ZC3H11A: variants seen among roughly 807,000 people sequenced by gnomAD.
ZC3H11A encodes zinc finger CCCH-type containing 11A.
Under a neutral mutation model 90.8 loss-of-function variants are expected in ZC3H11A, and 22 were observed. The observed-to-expected ratio is 0.24, with a 90% CI of 0.17 to 0.35. ZC3H11A has a LOEUF of 0.35. Among genes scored for constraint, ZC3H11A ranks in the 10% least tolerant of loss-of-function variants. The pLI is 1.00. For synonymous variants in ZC3H11A, 294 were observed against 339.8 expected (o/e 0.87, Z 1.48); for missense variants, 701 against 964.9 (o/e 0.73, Z 3.62).
chr1:203,848,308 T>C, intron 13 of ZC3H11A, 23 bp from the exon 14 acceptor site: 2 of 1,581,184 alleles, frequency 1.3e-6, no homozygotes, highest in South Asian at 1.2e-5. Flanking sequence ...AAATAACTAA[T>C]GATGTCTTTA....
chr1:203,804,480 G>T (rs1227742698), intron 2 of ZC3H11A, among the ~76,000 whole-genome samples: 1 of 151,746 alleles, frequency 6.6e-6, no homozygotes, highest in African/African-American at 2.4e-5. Context: ...ATTGTGAATG[G>T]TCTCTTCCTG....
At chr1:203,848,506 T>C in intron 14 of ZC3H11A, 99 bp downstream of exon 14, 1 of 827,674 alleles carries the variant, frequency 1.2e-6, no homozygotes, top group South Asian at 1.7e-5. Flanking sequence ...TTCATTCATA[T>C]ATTAGGTAAA....
chr1:203,809,329 C>T (rs1458512461), intron 2 of ZC3H11A, among the ~76,000 whole-genome samples: 1 of 151,884 alleles, frequency 6.6e-6, no homozygotes, highest in East Asian at 1.9e-4. Flanking sequence ...GCGCACACTA[C>T]CGTGCCCGGC....
chr1:203,825,974 C>T (rs1288547488), intron 4 of ZC3H11A, among the ~76,000 whole-genome samples: 3 of 152,112 alleles, frequency 2.0e-5, no homozygotes, highest in African/African-American at 7.2e-5. Flanking sequence ...TGTCATGTGA[C>T]TTCTGTGTAT....
At chr1:203,803,116 T>A (rs1042828191) in intron 2 of ZC3H11A, 100 bp downstream of exon 2, 8 of 152,362 alleles carry the variant, frequency 5.3e-5, no homozygotes, top group African/African-American at 1.9e-4. Flanking sequence ...AAGGCCATTG[T>A]TCAGACATTT....
chr1:203,833,158 A>G (rs564012334), intron 9 of ZC3H11A, among the ~76,000 whole-genome samples: 1 of 152,272 alleles, frequency 6.6e-6, no homozygotes, highest in Non-Finnish European at 1.5e-5. Flanking sequence ...TCACAAGGTC[A>G]GAAATTCGAG....
intron 12 of ZC3H11A, among the ~76,000 whole-genome samples, chr1:203,843,679 T>C (rs142247937): frequency 9.2e-5 from 14 of 152,310 alleles, no homozygotes; most frequent in Admixed American, 2.0e-4. Context: ...TTTACAAAAT[T>C]AGGTGGTGGC....
Position 203,847,720 on chromosome 1 carries a change from C to T in ZC3H11A, c.1546+33C>T, listed in dbSNP as rs778818843. The T allele has an allele frequency of 3.3e-5, 52 of 1,595,622 alleles. 1 individual carries two copies. The Admixed American group carries it at 3.4e-4, about 10-fold the overall frequency. ...GAGAACTTGGTCTCTAGTACCACGT[C>T]CCCACATAATATTCCAGAGGAGTGT... On this transcript the variant is annotated intron_variant, in intron 13 of 17. Coordinates refer to ENST00000367210, the MANE Select transcript of ZC3H11A (RefSeq NM_001376342.1).
At chr1:203,812,197 T>C (rs2102667577) in intron 2 of ZC3H11A, among the ~76,000 whole-genome samples, 1 of 152,300 alleles carries the variant, frequency 6.6e-6, no homozygotes, top group Admixed American at 6.5e-5. Context: ...CGTGGGGGTT[T>C]GTTGTACAGA....
At position 203,799,751 on chromosome 1, in the gene ZC3H11A, T is replaced by C. The variant is rs566195207; in HGVS notation, c.-1587-1824T>C. 131 of 831,142 alleles carry C rather than the reference T, an allele frequency of 1.6e-4. 2 individuals are homozygous for C. In the South Asian group the frequency reaches 1.8e-3, roughly 11 times the overall value. The allele number at this position is 831,142 out of a possible 1,614,324, so 51.5% of individuals were successfully genotyped here. A position where few individuals can be genotyped will look rare whatever the true frequency, so the allele number is the denominator to read the frequency against. On this transcript the variant is annotated intron_variant, in intron 1 of 17. Transcript: ENST00000367210. ...TTACTCAGGCCCTCAATCTGGTGGA[T>C]AGTTTATCTCTGAAACTTGAAACAG...
chr1:203,819,529 A>AT (rs755259647), intron 4 of ZC3H11A, among the ~76,000 whole-genome samples: 18 of 72,870 alleles, frequency 2.5e-4, no homozygotes, highest in African/African-American at 6.3e-4. Context: ...GCTGACTCCA[A>AT]TTTTTTTTTT....
chr1:203,811,287 A>G (rs1179991432), intron 2 of ZC3H11A, among the ~76,000 whole-genome samples: 1 of 152,188 alleles, frequency 6.6e-6, no homozygotes, highest in Non-Finnish European at 1.5e-5. Context: ...CAGCCTGGGC[A>G]ACAAGAGCAA....
At chr1:203,814,018 C>T (rs998750465) in intron 2 of ZC3H11A, among the ~76,000 whole-genome samples, 1 of 150,744 alleles carries the variant, frequency 6.6e-6, no homozygotes, top group African/African-American at 2.4e-5. Flanking sequence ...TCTAAATTTT[C>T]AAGTTCAGAT....
At chr1:203,803,796 G>T (rs1439695002) in intron 2 of ZC3H11A, among the ~76,000 whole-genome samples, 1 of 152,098 alleles carries the variant, frequency 6.6e-6, no homozygotes, top group African/African-American at 2.4e-5. Flanking sequence ...TTGTAGAGAT[G>T]GAGTTGCTCT....
intron 2 of ZC3H11A, chr1:203,806,018 CTTG>C: frequency 1.8e-6 from 1 of 551,408 alleles, no homozygotes; most frequent in Admixed American, 2.1e-5. Flanking sequence ...TTGAATGACT[CTTG>C]GGTGCGATTG....
chr1:203,799,725 A>G (rs1384492774), intron 1 of ZC3H11A: 1 of 742,864 alleles, frequency 1.3e-6, no homozygotes, highest in Non-Finnish European at 2.4e-6. Flanking sequence ...AGTCAGAGGT[A>G]TTACTCAGGC....
chr1:203,850,683 T>G lies in ZC3H11A; in HGVS notation c.2106+2T>G. 1 of 1,613,380 alleles carries G rather than the reference T, an allele frequency of 6.2e-7. No homozygotes were observed. Among genetic ancestry groups the G allele is most frequent in the Non-Finnish European group, 8.5e-7 (1 of 1,179,548 alleles). On this transcript the variant is annotated splice_donor_variant, in intron 16 of 17. Coordinates refer to ENST00000367210, the MANE Select transcript of ZC3H11A (RefSeq NM_001376342.1). LOFTEE classifies it high-confidence loss of function. ...CCCCCAGCCAAAAAGGCAGCTGTGG[T>G]AAGAAGTATATTCACTTTGTGGTGC...
chr1:203,831,621 T>A (rs761822073), intron 8 of ZC3H11A, 40 bp from the exon 9 acceptor site: 12 of 1,560,242 alleles, frequency 7.7e-6, no homozygotes, highest in Non-Finnish European at 8.8e-6. Flanking sequence ...AGCATTATTT[T>A]CCATAAATTA....
chr1:203,850,624 G>A lies in ZC3H11A; in HGVS notation c.2049G>A (p.Val683=), dbSNP rs747966633. ...TGCACGCTGCTGTCATTGCCGCTGT[G>A]AAGCCACTCAGCTCCAGCAGTGTCC... is the stretch of plus-strand genomic sequence containing the variant. ...VEMHAAVIAA[V]KPLSSSSVLQ... The change falls in exon 16 of 18, where the codon GTG becomes GTA. Residue 683 remains valine, a synonymous_variant. Coordinates refer to ENST00000367210, the MANE Select transcript of ZC3H11A (RefSeq NM_001376342.1). 6.2e-6 allele frequency: 10 copies of A among 1,614,026 alleles called. No individual in the cohort carries two copies. Among genetic ancestry groups the A allele is most frequent in the Non-Finnish European group, 7.6e-6 (9 of 1,180,024 alleles).
Sources: gnomAD v4.1 joint callset for allele counts (sites outside exome capture counted in the v4.1 genomes callset) on GRCh38, gnomAD v4.1.1 for gene constraint, MANE v1.5 for transcripts, NCBI Gene and HGNC (gene_info 2026-07-23, HGNC 2026-07-21) for gene names.